PPIL2: variants seen among roughly 807,000 people sequenced by gnomAD.
The protein encoded by PPIL2 is RING-type E3 ubiquitin-protein ligase PPIL2.
In PPIL2, 50 loss-of-function variants were observed where a neutral mutation model predicts 75.2. That is an observed-to-expected ratio of 0.66 (90% confidence interval 0.53 to 0.84). PPIL2 has a LOEUF of 0.84. Ranked by LOEUF, PPIL2 falls within the 40% of genes least tolerant of loss-of-function variation. PPIL2 has a pLI of 0.00. For synonymous variants in PPIL2, 245 were observed against 258.8 expected (o/e 0.95, Z 0.51); for missense variants, 590 against 685.0 (o/e 0.86, Z 1.55).
chr22:21,687,310 C>T (rs1324574786), intron 12 of PPIL2, among the ~76,000 whole-genome samples: 2 of 152,164 alleles, frequency 1.3e-5, no homozygotes, highest in African/African-American at 4.8e-5. Flanking sequence ...GTGGGTCCAT[C>T]CGTGCCCAGT....
chr22:21,672,431 C>G, intron 5 of PPIL2, 50 bp downstream of exon 5: 1 of 1,523,272 alleles, frequency 6.6e-7, no homozygotes, highest in African/African-American at 1.4e-5. Flanking sequence ...GCTATCCTCT[C>G]ACTTCTCCTT....
At chr22:21,693,977 C>A in intron 16 of PPIL2, 105 bp downstream of exon 16, 4 of 1,202,412 alleles carry the variant, frequency 3.3e-6, no homozygotes, top group South Asian at 1.3e-5. Flanking sequence ...GAGTCATGTG[C>A]CATGCTGGCC....
chr22:21,672,516 T>TG, intron 5 of PPIL2, 135 bp downstream of exon 5: 2 of 845,830 alleles, frequency 2.4e-6, no homozygotes, highest in Non-Finnish European at 3.9e-6. Flanking sequence ...AGGGACAGTC[T>TG]TCCCCTCCTC....
At chr22:21,699,596 G>T (rs3747095), downstream of PPIL2, 51,782 of 152,302 alleles carry the variant, frequency 0.34, 9,012 homozygotes, top group Non-Finnish European at 0.38. Context: ...CGGGCAACGC[G>T]TCTAGCAGGC....
intron 15 of PPIL2, among the ~76,000 whole-genome samples, chr22:21,691,242 CCTT>C (rs1184896802): frequency 6.6e-6 from 1 of 152,064 alleles, no homozygotes; most frequent in Non-Finnish European, 1.5e-5. Context: ...CCACACTCGG[CCTT>C]CTTTTCTTAT....
chr22:21,672,178 C>T (rs2066659409), intron 4 of PPIL2, 152 bp from the exon 5 acceptor site: 1 of 630,584 alleles, frequency 1.6e-6, no homozygotes, highest in Non-Finnish European at 2.8e-6. Flanking sequence ...CCCCAACTTC[C>T]TGAGACAAGA....
intron 5 of PPIL2, among the ~76,000 whole-genome samples, chr22:21,673,934 G>T (rs908267020): frequency 6.6e-6 from 1 of 152,198 alleles, no homozygotes; most frequent in Non-Finnish European, 1.5e-5. Context: ...CACACCTGTA[G>T]TGATGTAGGG....
At position 21,696,438 on chromosome 22, in the gene PPIL2, T is replaced by A. The variant is rs77238932; in HGVS notation, c.*948T>A. ...AGGCCCGGCCACTGGGCTCCAAGAC[T>A]CTGCTCCTCCTGTCAGTCACTGACT... On this transcript the variant is annotated 3_prime_UTR_variant, in exon 20 of 20. Transcript: ENST00000398831. 32,074 of 1,190,984 alleles carry A rather than the reference T, an allele frequency of 0.027. 494 individuals are homozygous for A. The highest frequency in any genetic ancestry group is 0.04 in the Admixed American group (984 of 24,638). The allele number at this position is 1,190,984 out of a possible 1,614,324, so 73.8% of individuals were successfully genotyped here.
chr22:21,695,062 A>G lies in PPIL2; in HGVS notation c.1458A>G (p.Pro486=). 1 of 1,607,284 alleles carries G rather than the reference A, an allele frequency of 6.2e-7. No individual in the cohort carries two copies. Among genetic ancestry groups the G allele is most frequent in the Non-Finnish European group, 8.5e-7 (1 of 1,179,104 alleles). ...FRQGVGKYIN[P]AATKRAAEEE... ...AGGGCGTGGGCAAGTACATCAACCC[A>G]GCAGCCACGTGAGTGCCGCGGGGCT... The change falls in exon 19 of 20, where the codon CCA becomes CCG. Residue 486 remains proline (P), a synonymous_variant. Coordinates refer to ENST00000398831, the MANE Select transcript of PPIL2 (RefSeq NM_014337.4).
At chr22:21,685,078 A>G (rs550801561) in intron 10 of PPIL2, among the ~76,000 whole-genome samples, 165 bp downstream of exon 10, 1 of 152,358 alleles carries the variant, frequency 6.6e-6, no homozygotes, top group South Asian at 2.1e-4. Flanking sequence ...CTCTGAGTGC[A>G]CAGCCCTGGG....
intron 15 of PPIL2, among the ~76,000 whole-genome samples, chr22:21,691,553 G>A (rs180898545): frequency 0.011 from 1,691 of 152,092 alleles, 17 homozygotes; most frequent in South Asian, 0.037. Context: ...GGTGGCAGGC[G>A]CCTGTAGTCC....
intron 6 of PPIL2, among the ~76,000 whole-genome samples, chr22:21,678,505 A>G (rs968534375): frequency 1.3e-5 from 2 of 152,080 alleles, no homozygotes; most frequent in East Asian, 1.9e-4. Context: ...TGCTGGGATT[A>G]CAGGCGTGAG....
intron 1 of PPIL2, among the ~76,000 whole-genome samples, chr22:21,669,061 GA>G (rs917812513): frequency 6.8e-6 from 1 of 147,438 alleles, no homozygotes; most frequent in Non-Finnish European, 1.5e-5. Context: ...GTGTTAGCCA[GA>G]ATGGTCTCCA....
chr22:21,670,208 A>G, intron 2 of PPIL2: 2 of 1,070,238 alleles, frequency 1.9e-6, no homozygotes, highest in South Asian at 1.7e-5. Flanking sequence ...TAAAAAATAA[A>G]TAAGTAAATG....
Position 21,672,306 on chromosome 22 carries a change from C to A in PPIL2, c.192-24C>A, listed in dbSNP as rs151242592. The A allele has an allele frequency of 7.8e-5, 125 of 1,603,474 alleles. No homozygotes were observed. The East Asian group carries it at 2.2e-3, about 29-fold the overall frequency. On this transcript the variant is annotated intron_variant, in intron 4 of 19. Transcript: ENST00000398831. ...GTGGCGCCTAAGCACCCTGGTGATG[C>A]TTTCTGTTCTGTCTTCCCTTCAGGA...
chr22:21,694,590 C>T lies in PPIL2; in HGVS notation c.1197-3C>T. 1 of 1,614,042 alleles carries T rather than the reference C, an allele frequency of 6.2e-7. No individual in the cohort carries two copies. The highest frequency in any genetic ancestry group is 8.5e-7 in the Non-Finnish European group (1 of 1,179,982). On this transcript the variant is annotated splice_polypyrimidine_tract_variant and splice_region_variant and intron_variant, in intron 16 of 19. Coordinates refer to ENST00000398831, the MANE Select transcript of PPIL2 (RefSeq NM_014337.4). The stretch of plus-strand genomic sequence containing the variant: ...CAGACCCACCTCTGTCTCCCTGCTG[C>T]AGGGTTGTTGGGGGCTTTGACGTAC...
chr22:21,688,960 C>G (rs984692913), intron 15 of PPIL2, 111 bp downstream of exon 15: 2 of 1,034,476 alleles, frequency 1.9e-6, no homozygotes, highest in African/African-American at 3.1e-5. Context: ...CATACCCAGA[C>G]GGTGTACGGC....
At chr22:21,683,337 CT>C (rs1292017544) in intron 9 of PPIL2, 80 bp downstream of exon 9, 1 of 1,306,216 alleles carries the variant, frequency 7.7e-7, no homozygotes, top group African/African-American at 1.5e-5. Flanking sequence ...AAAGCCCCCG[CT>C]TTCCTGGAGG....
At chr22:21,675,176 C>CTG in intron 6 of PPIL2, 61 bp downstream of exon 6, 1 of 1,419,674 alleles carries the variant, frequency 7.0e-7, no homozygotes, top group Non-Finnish European at 9.9e-7. Flanking sequence ...GCCCAGCTCT[C>CTG]ACCAGTTTTC....
Sources: gnomAD v4.1 joint callset for allele counts (sites outside exome capture counted in the v4.1 genomes callset) on GRCh38, gnomAD v4.1.1 for gene constraint, MANE v1.5 for transcripts, NCBI Gene and HGNC (gene_info 2026-07-23, HGNC 2026-07-21) for gene names.